The following P3H3 variants were observed in gnomAD, a reference collection of about 807,000 sequenced individuals.
P3H3 encodes gene rich cluster, B.
In P3H3, 64 loss-of-function variants were observed where a neutral mutation model predicts 78.1. The ratio of observed to expected loss-of-function variants is 0.82; its 90% CI spans 0.67 to 1.01. The LOEUF is 1.01. Among genes scored for constraint, P3H3 ranks in the 50% least tolerant of loss-of-function variants. The pLI is 0.00. For synonymous variants in P3H3, 425 were observed against 416.7 expected, an observed-to-expected ratio of 1.02 and a Z score of -0.24; for missense variants, 975 against 982.2, an observed-to-expected ratio of 0.99 and a Z score of 0.10.
In P3H3 at chr12:6,830,497, G is replaced by A. The variant is rs782767925; in HGVS notation, c.796G>A (p.Ala266Thr). The A allele has an allele frequency of 2.5e-6, 4 of 1,584,264 alleles. No individual in the cohort carries two copies. The highest frequency in any genetic ancestry group is 4.6e-5 in the East Asian group (2 of 43,942). Reference protein sequence around the residue: ...DCEGPEEQQGAEEEEDGAASQ... With the variant: ...DCEGPEEQQGTEEEEDGAASQ... The stretch of plus-strand genomic sequence containing the variant: ...TGAGGGGCCTGAGGAGCAGCAGGGG[G>A]CTGAAGAAGAGGAGGATGGGGCTGC... The change falls in exon 3 of 15, where the codon GCT becomes ACT. Residue 266 changes from alanine (A) to threonine (T), a missense_variant. Physicochemically the swap from Ala to Thr is moderately conservative, Grantham distance 58 (BLOSUM62 0). Coordinates refer to ENST00000290510, the MANE Select transcript of P3H3 (RefSeq NM_014262.5).
At chr12:6,834,357 T>C (rs1354683645) in intron 9 of P3H3, among the ~76,000 whole-genome samples, 2 of 152,228 alleles carry the variant, frequency 1.3e-5, no homozygotes, top group African/African-American at 4.8e-5. Context: ...GTTACTGGCT[T>C]GGCTGATGGC....
chr12:6,828,671 C>T lies in P3H3; in HGVS notation c.231C>T (p.Cys77=). ...CGCTGGGCCGGGTGCGGCTGGATTG[C>T]GGGGCGAGCTGCGCGGCCGATCCGG... ...QAALGRVRLD[C]GASCAADPGA... is the part of the protein sequence containing the mutation. Residue 77 remains cysteine (C), a synonymous_variant, in exon 1 of 15, where the codon TGC becomes TGT. Coordinates refer to ENST00000290510, the MANE Select transcript of P3H3 (RefSeq NM_014262.5). 1.6e-6 allele frequency: 2 copies of T among 1,235,662 alleles called. No homozygotes were observed. Among genetic ancestry groups the T allele is most frequent in the Non-Finnish European group, 2.0e-6 (2 of 989,678 alleles). 76.5% of individuals were successfully genotyped at this position (1,235,662 alleles called of 1,614,324 possible).
chr12:6,829,726 G>T lies in P3H3; in HGVS notation c.499-133G>T. On this transcript the variant is annotated intron_variant, in intron 1 of 14. Transcript: ENST00000290510. This position sits in a 1 kb window ranked among gnomAD's most constrained non-coding sequence, Gnocchi z 5.1. ...TGCAGTTCGGGCGGTGGGCGGTTCTGATTGGCCAGTCTTCCATGAGGCTCT... is the reference window on the plus strand; with the variant it reads ...TGCAGTTCGGGCGGTGGGCGGTTCTTATTGGCCAGTCTTCCATGAGGCTCT... 2 of 917,856 alleles carry T rather than the reference G, an allele frequency of 2.2e-6. No homozygotes were observed. Among genetic ancestry groups the T allele is most frequent in the Non-Finnish European group, 3.4e-6 (2 of 585,240 alleles). 56.9% of individuals were successfully genotyped at this position (917,856 alleles called of 1,614,324 possible).
chr12:6,837,518 G>A lies in P3H3; in HGVS notation c.1656G>A (p.Pro552=), dbSNP rs534308443. ...VRTLTQAYFS[P]ERPLHLSFTH... ...CCTTGACCCAGGCCTACTTCTCCCC[G>A]GAACGGCCCCTGCATCTGTCCTTCA... The change falls in exon 11 of 15, where the codon CCG becomes CCA. Residue 552 remains proline, a synonymous_variant. Transcript: ENST00000290510. The A allele has an allele frequency of 1.4e-5, 22 of 1,611,770 alleles. No individual in the cohort carries two copies. The Admixed American group carries it at 2.0e-4, about 15-fold the overall frequency.
chr12:6,838,206 G>C (rs1943520423), intron 13 of P3H3, among the ~76,000 whole-genome samples, 173 bp downstream of exon 13: 1 of 152,212 alleles, frequency 6.6e-6, no homozygotes, highest in African/African-American at 2.4e-5. Context: ...TCTCTAAGTG[G>C]CCGAATCAAC....
At position 6,828,779 on chromosome 12, in the gene P3H3, G is replaced by C. The variant is rs1555120845; in HGVS notation, c.339G>C (p.Gln113His). ...CCACGCAGGGGTCCTGGGAGCGACA[G>C]CTTCTCCGTGCAGCGCTCCGCCGCG... ...PGPTQGSWERQLLRAALRRAD... is the reference protein window; with the variant it reads ...PGPTQGSWERHLLRAALRRAD... Residue 113 changes from glutamine to histidine, a missense_variant, in exon 1 of 15, where the codon CAG becomes CAC. Transcript: ENST00000290510. The C allele has an allele frequency of 2.4e-6, 3 of 1,241,830 alleles. No homozygotes were observed. The African/African-American group carries it at 4.7e-5, about 19-fold the overall frequency. 76.9% of individuals were successfully genotyped at this position (1,241,830 alleles called of 1,614,324 possible).
At position 6,837,712 on chromosome 12, in the gene P3H3, C is replaced by A; in HGVS notation, c.1712-20C>A. The stretch of plus-strand genomic sequence containing the variant: ...GGGCACAGGGGCACAGAGGTACCCC[C>A]AGACCCCTTTGTGTCCTAGGAGAGC... On this transcript the variant is annotated intron_variant, in intron 11 of 14. Coordinates refer to ENST00000290510, the MANE Select transcript of P3H3 (RefSeq NM_014262.5). 6.2e-7 allele frequency: 1 copy of A among 1,601,684 alleles called. No individual in the cohort carries two copies. The highest frequency in any genetic ancestry group is 2.3e-5 in the East Asian group (1 of 44,306).
At chr12:6,833,466 G>A (rs555919887) in intron 6 of P3H3, 126 bp from the exon 7 acceptor site, 21 of 902,236 alleles carry the variant, frequency 2.3e-5, no homozygotes, top group Non-Finnish European at 1.4e-5. Flanking sequence ...ATTGAGTCCC[G>A]GGCTTTTCCT....
At position 6,829,037 on chromosome 12, in the gene P3H3, C is replaced by G. The variant is rs745747963; in HGVS notation, c.498+99C>G. 3 of 748,452 alleles carry G rather than the reference C, an allele frequency of 4.0e-6. No homozygotes were observed. The highest frequency in any genetic ancestry group is 5.5e-6 in the Non-Finnish European group (3 of 546,478). The allele number at this position is 748,452 out of a possible 1,614,324, so 46.4% of individuals were successfully genotyped here. ...AGTAGGCGGAATGCTGTTGCCCGGG[C>G]CCCGCACGGGGCTGGGGAGCGTACC... is the stretch of plus-strand genomic sequence containing the variant. On this transcript the variant is annotated intron_variant, in intron 1 of 14. Coordinates refer to ENST00000290510, the MANE Select transcript of P3H3 (RefSeq NM_014262.5). This position sits in a 1 kb window ranked among gnomAD's most constrained non-coding sequence, Gnocchi z 5.1.
rs1419803430 is a variant in P3H3, at chr12:6,828,700, C to T, written c.260C>T (p.Ala87Val). 1 of 1,245,394 alleles carries T rather than the reference C, an allele frequency of 8.0e-7. No individual in the cohort carries two copies. The highest frequency in any genetic ancestry group is 1.0e-6 in the Non-Finnish European group (1 of 995,370). The allele number at this position is 1,245,394 out of a possible 1,614,324, so 77.1% of individuals were successfully genotyped here. A position where few individuals can be genotyped will look rare whatever the true frequency, so the allele number is the denominator to read the frequency against. The change falls in exon 1 of 15, where the codon GCC becomes GTC. Residue 87 changes from alanine to valine, a missense_variant. Ala to Val is a moderately conservative substitution (Grantham distance 64). Transcript: ENST00000290510. ...GCGAGCTGCGCGGCCGATCCGGGCG[C>T]CGCGCTCCCCGCCGTGCTTCTCGGG... The part of the protein sequence containing the change: ...CGASCAADPG[A>V]ALPAVLLGAP...
chr12:6,828,448 G>A lies in P3H3; in HGVS notation c.8G>A (p.Arg3Gln), dbSNP rs1204441457. 3 of 801,222 alleles carry A rather than the reference G, an allele frequency of 3.7e-6. No homozygotes were observed. In the African/African-American group the frequency reaches 5.8e-5, roughly 15 times the overall value. 49.6% of individuals were successfully genotyped at this position (801,222 alleles called of 1,614,324 possible). Reference protein sequence around the residue: MLRLLRPLLLLLL... With the variant: MLQLLRPLLLLLL... Reference sequence around the variant, plus strand: ...GCCGGCGGCTCCGACATCATGCTCCGGCTCCTCCGGCCGCTGCTGCTACTG... The same window carrying A: ...GCCGGCGGCTCCGACATCATGCTCCAGCTCCTCCGGCCGCTGCTGCTACTG... Residue 3 changes from arginine (R) to glutamine (Q), a missense_variant, in exon 1 of 15, where the codon CGG becomes CAG. Physicochemically the swap from Arg to Gln is conservative, Grantham distance 43. Coordinates refer to ENST00000290510, the MANE Select transcript of P3H3 (RefSeq NM_014262.5).
rs1943432996 is a variant in P3H3, at chr12:6,830,137, G to A, written c.651+126G>A. ...GGGGTAATGATCCTCAGCGACCCTG[G>A]CTGGGAGTCCTTCTCTAGGACTTCG... On this transcript the variant is annotated intron_variant, in intron 2 of 14. Transcript: ENST00000290510. 3.9e-6 allele frequency: 5 copies of A among 1,272,546 alleles called. No homozygotes were observed. The South Asian group carries it at 6.9e-5, about 18-fold the overall frequency. 78.8% of individuals were successfully genotyped at this position (1,272,546 alleles called of 1,614,324 possible). A position where few individuals can be genotyped will look rare whatever the true frequency, so the allele number is the denominator to read the frequency against.
chr12:6,830,951 G>C (rs782395586), intron 4 of P3H3, 181 bp downstream of exon 4: 81 of 920,736 alleles, frequency 8.8e-5, no homozygotes, highest in Non-Finnish European at 1.2e-4. Context: ...ACAAGCTCAG[G>C]AGATGGGCTT....
Position 6,830,713 on chromosome 12 carries a change from C to G in P3H3, c.928C>G (p.Pro310Ala), listed in dbSNP as rs782654776. The G allele has an allele frequency of 6.2e-7, 1 of 1,613,930 alleles. No homozygotes were observed. Among genetic ancestry groups the G allele is most frequent in the East Asian group, 2.2e-5 (1 of 44,882 alleles). The change falls in exon 4 of 15, where the codon CCT becomes GCT. Residue 310 changes from proline to alanine, a missense_variant. Pro to Ala is a conservative substitution (Grantham distance 27). Coordinates refer to ENST00000290510, the MANE Select transcript of P3H3 (RefSeq NM_014262.5). ...AGCCACACGCCCTGGTCGCAGCTTC[C>G]CTGTCCCAGACTTCCTTCCCAACCA... ...ETATRPGRSF[P>A]VPDFLPNQLR...
chr12:6,829,853 C>T lies in P3H3; in HGVS notation c.499-6C>T. The T allele has an allele frequency of 6.2e-7, 1 of 1,613,942 alleles. No homozygotes were observed. On this transcript the variant is annotated splice_region_variant and splice_polypyrimidine_tract_variant and intron_variant, in intron 1 of 14. Transcript: ENST00000290510. This position sits in a 1 kb window ranked among gnomAD's most constrained non-coding sequence, Gnocchi z 5.1. Reference sequence around the variant, plus strand: ...CTCTGATGCCCTCCTCCCTTCGCCTCCTCAGTTGAAGAAGCTGGATCTGGC... The same window carrying T: ...CTCTGATGCCCTCCTCCCTTCGCCTTCTCAGTTGAAGAAGCTGGATCTGGC...
At chr12:6,837,175 G>T in intron 10 of P3H3, 89 bp downstream of exon 10, 1 of 1,204,032 alleles carries the variant, frequency 8.3e-7, no homozygotes, top group Non-Finnish European at 1.2e-6. Context: ...CTGGGCTTTT[G>T]TGAAGGAGCT....
intron 13 of P3H3, 111 bp from the exon 14 acceptor site, chr12:6,838,889 C>G: frequency 5.7e-6 from 5 of 883,890 alleles, no homozygotes; most frequent in Non-Finnish European, 8.1e-6. Context: ...GAAGTGGTAG[C>G]GAGAGAGCTG....
intron 6 of P3H3, among the ~76,000 whole-genome samples, chr12:6,832,615 T>C (rs1233632196): frequency 6.6e-6 from 1 of 151,920 alleles, no homozygotes; most frequent in African/African-American, 2.4e-5. Context: ...TTATTTTTAT[T>C]TTTGGAGACA....
chr12:6,839,681 C>G lies in P3H3; in HGVS notation c.*220C>G, dbSNP rs1382485583. The G allele has an allele frequency of 2.0e-5, 12 of 586,096 alleles. No individual in the cohort carries two copies. The African/African-American group carries it at 2.2e-4, about 11-fold the overall frequency. The allele number at this position is 586,096 out of a possible 1,614,324, so 36.3% of individuals were successfully genotyped here. A position where few individuals can be genotyped will look rare whatever the true frequency, so the allele number is the denominator to read the frequency against. ...AGGCCTGGGGAGCTGGGACGGGGCCCCGCTGCCGGACCTGCAGCCCTGGAC... is the reference window on the plus strand; with the variant it reads ...AGGCCTGGGGAGCTGGGACGGGGCCGCGCTGCCGGACCTGCAGCCCTGGAC... On this transcript the variant is annotated 3_prime_UTR_variant, in exon 15 of 15. Transcript: ENST00000290510.
Sources: allele counts gnomAD v4.1 joint callset (sites outside exome capture counted in the v4.1 genomes callset), GRCh38; gene constraint gnomAD v4.1.1; non-coding constraint Gnocchi (gnomAD v3.1); transcripts MANE v1.5; gene names NCBI Gene and HGNC (gene_info 2026-07-23, HGNC 2026-07-21).